The following CDH18 variants were observed in gnomAD, a reference collection of about 807,000 sequenced individuals.
CDH18 encodes cadherin 18.
In CDH18, 31 loss-of-function variants were observed where a neutral mutation model predicts 67.9. That is an observed-to-expected ratio of 0.46 (90% CI 0.34 to 0.62). CDH18 has a LOEUF of 0.62. CDH18 is among the 20% of genes least tolerant of loss of function. CDH18 has a pLI of 0.01. For missense variants in CDH18, 890 were observed against 975.5 expected (o/e 0.91, Z 1.17); for synonymous variants, 362 against 347.2 (o/e 1.04, Z -0.48).
chr5:20,107,218 C>G (rs549763172), intron 2 of CDH18, among the ~76,000 whole-genome samples: 1 of 152,094 alleles, frequency 6.6e-6, no homozygotes, highest in South Asian at 2.1e-4. Context: ...GTAGCTGGGA[C>G]TACAGGCGCC....
chr5:20,222,952 T>C (rs1741346360), intron 2 of CDH18, among the ~76,000 whole-genome samples: 1 of 152,144 alleles, frequency 6.6e-6, no homozygotes, highest in Admixed American at 6.6e-5. Context: ...GTAGTAATAA[T>C]ACTTGTAATA....
At chr5:20,535,253 G>T (rs1441645910) in intron 1 of CDH18, among the ~76,000 whole-genome samples, 1 of 152,030 alleles carries the variant, frequency 6.6e-6, no homozygotes, top group Non-Finnish European at 1.5e-5. Context: ...GTCAGCTTAG[G>T]GTTGTTCCAG....
intron 2 of CDH18, among the ~76,000 whole-genome samples, chr5:20,179,415 G>T (rs897605839): frequency 1.3e-5 from 2 of 152,116 alleles, no homozygotes; most frequent in Non-Finnish European, 1.5e-5. Flanking sequence ...TCAGAAGTTT[G>T]GGATTATTAA....
chr5:19,737,515 T>C (rs1768502051), intron 4 of CDH18, among the ~76,000 whole-genome samples: 1 of 152,180 alleles, frequency 6.6e-6, no homozygotes. Flanking sequence ...ACTGGGCCTA[T>C]TCCACATCCC....
chr5:20,354,115 T>G (rs1215379708), intron 1 of CDH18, among the ~76,000 whole-genome samples: 1 of 152,174 alleles, frequency 6.6e-6, no homozygotes, highest in Non-Finnish European at 1.5e-5. Flanking sequence ...TCAGAAATTA[T>G]TTTTTTGATA....
chr5:20,104,378 T>C (rs1746744589), intron 2 of CDH18, among the ~76,000 whole-genome samples: 1 of 152,138 alleles, frequency 6.6e-6, no homozygotes, highest in Non-Finnish European at 1.5e-5. Context: ...CCCTGCTCCA[T>C]ACTAATTTTG....
intron 1 of CDH18, among the ~76,000 whole-genome samples, chr5:20,471,899 T>C (rs1752115506): frequency 1.5e-4 from 1 of 6,646 alleles, no homozygotes; most frequent in Admixed American, 1.4e-3. Flanking sequence ...GTTTTCCGTC[T>C]GTGAAACTTG....
intron 2 of CDH18, among the ~76,000 whole-genome samples, chr5:20,010,917 C>A (rs1009170875): frequency 6.6e-6 from 1 of 152,282 alleles, no homozygotes; most frequent in South Asian, 2.1e-4. Context: ...CAACTGACTA[C>A]TTAAATATCA....
intron 2 of CDH18, among the ~76,000 whole-genome samples, chr5:19,941,926 T>C (rs1392286960): frequency 1.3e-5 from 2 of 152,168 alleles, no homozygotes; most frequent in Non-Finnish European, 2.9e-5. Flanking sequence ...AAAGTGAATG[T>C]TCCATCTTCT....
At chr5:19,835,081 T>C (rs944389686) in intron 3 of CDH18, among the ~76,000 whole-genome samples, 2 of 152,100 alleles carry the variant, frequency 1.3e-5, no homozygotes, top group African/African-American at 2.4e-5. Flanking sequence ...TGTATGTTAA[T>C]TGCAGCACTA....
At chr5:19,741,326 T>C (rs1769176149) in intron 4 of CDH18, among the ~76,000 whole-genome samples, 1 of 53,558 alleles carries the variant, frequency 1.9e-5, no homozygotes. Context: ...TGTATATACA[T>C]GTCTCACACA....
chr5:19,606,267 T>C (rs1748018269), intron 6 of CDH18, among the ~76,000 whole-genome samples: 1 of 152,110 alleles, frequency 6.6e-6, no homozygotes, highest in South Asian at 2.1e-4. Flanking sequence ...GCAACTCCTT[T>C]ATGTAATGTT....
At chr5:20,205,010 C>T (rs1470984360) in intron 2 of CDH18, among the ~76,000 whole-genome samples, 1 of 151,758 alleles carries the variant, frequency 6.6e-6, no homozygotes, top group African/African-American at 2.4e-5. Flanking sequence ...AAGAACAGAG[C>T]TGCAAAACAA....
intron 5 of CDH18, among the ~76,000 whole-genome samples, chr5:19,714,788 ATT>A (rs1765145209): frequency 6.6e-6 from 1 of 152,016 alleles, no homozygotes; most frequent in African/African-American, 2.4e-5. Context: ...AACAATATAT[ATT>A]GTCATTATAC....
Position 19,554,260 on chromosome 5 carries a change from T to G in CDH18, c.1254-10255A>C, listed in dbSNP as rs146858834. 2.0e-5 allele frequency among the ~76,000 whole-genome samples: 3 copies of G among 152,310 alleles called. No homozygotes were observed. The East Asian group carries it at 5.8e-4, about 29-fold the overall frequency. On this transcript the variant is annotated intron_variant, in intron 8 of 12. Transcript: ENST00000382275. ...CAATTATAATGTTTCTTCCTGGTAT[T>G]TATGACTCTAAGTAAGTGAGATATC...
chr5:19,722,164 C>T (rs578070649), intron 4 of CDH18, among the ~76,000 whole-genome samples: 3 of 152,244 alleles, frequency 2.0e-5, no homozygotes, highest in African/African-American at 7.2e-5. Context: ...AGCAATTCTC[C>T]TGCCTCAGCT....
intron 3 of CDH18, among the ~76,000 whole-genome samples, chr5:19,774,930 G>A (rs186594112): frequency 2.7e-5 from 4 of 146,314 alleles, no homozygotes; most frequent in African/African-American, 7.4e-5. Flanking sequence ...AGAACCCAAC[G>A]GACCACGCAA....
chr5:20,419,058 C>T (rs896879562), intron 1 of CDH18, among the ~76,000 whole-genome samples: 10 of 151,954 alleles, frequency 6.6e-5, no homozygotes, highest in African/African-American at 2.2e-4. Context: ...AGAATTCTCA[C>T]GTGTTGTGGG....
chr5:19,581,902 G>A (rs369299512), intron 7 of CDH18, among the ~76,000 whole-genome samples: 1 of 151,970 alleles, frequency 6.6e-6, no homozygotes, highest in South Asian at 2.1e-4. Context: ...CTTGTCAGAG[G>A]TCTGGCCTGG....
Sources: gnomAD v4.1 joint callset for allele counts (sites outside exome capture counted in the v4.1 genomes callset) on GRCh38, gnomAD v4.1.1 for gene constraint, MANE v1.5 for transcripts, NCBI Gene and HGNC (gene_info 2026-07-23, HGNC 2026-07-21) for gene names.